Variants in HACD3 observed in about 807,000 individuals in gnomAD.
The protein encoded by HACD3 is very-long-chain (3R)-3-hydroxyacyl-CoA dehydratase 3.
In HACD3, 30 loss-of-function variants were observed where a neutral mutation model predicts 55.2. That is an observed-to-expected ratio of 0.54 (90% confidence interval 0.41 to 0.74). The LOEUF (loss-of-function observed/expected upper bound fraction) is 0.74. Among genes scored for constraint, HACD3 ranks in the 30% least tolerant of loss-of-function variants. The pLI is 0.00. For missense variants in HACD3, 363 were observed against 440.1 expected (o/e 0.82, Z 1.57); for synonymous variants, 141 against 151.7 (o/e 0.93, Z 0.52).
rs376745282 is a variant in HACD3, at chr15:65,571,544, A to C, written c.774-4A>C. ...TTCACATTGGAATCATTTATTTTCA[A>C]TAGGTACTCTTTCTACATGCTGACG... On this transcript the variant is annotated splice_polypyrimidine_tract_variant and splice_region_variant and intron_variant, in intron 8 of 10. Transcript: ENST00000261875. 3.7e-6 allele frequency: 6 copies of C among 1,608,602 alleles called. No homozygotes were observed. The highest frequency in any genetic ancestry group is 5.1e-6 in the Non-Finnish European group (6 of 1,175,286).
chr15:65,533,215 A>G lies in HACD3; in HGVS notation c.87+2497A>G, dbSNP rs150825696. On this transcript the variant is annotated intron_variant, in intron 1 of 10. Coordinates refer to ENST00000261875, the MANE Select transcript of HACD3 (RefSeq NM_016395.4). ...TCATTGCATTGAGAGAGCATACTCC[A>G]TGGGGAACCCTGGGGTGTTTCATTA... Among the ~76,000 whole-genome samples, 926 of 152,312 alleles carry G rather than the reference A, an allele frequency of 6.1e-3. 7 individuals carry two copies. Among genetic ancestry groups the G allele is most frequent in the African/African-American group, 0.021 (883 of 41,574 alleles).
At chr15:65,554,797 C>G in intron 2 of HACD3, 90 bp from the exon 3 acceptor site, 1 of 870,590 alleles carries the variant, frequency 1.1e-6, no homozygotes, top group Non-Finnish European at 1.9e-6. Context: ...GTGTAATATT[C>G]GCATACTTGG....
At chr15:65,532,957 G>A (rs554218973) in intron 1 of HACD3, among the ~76,000 whole-genome samples, 1 of 152,136 alleles carries the variant, frequency 6.6e-6, no homozygotes, top group Non-Finnish European at 1.5e-5. Context: ...GGTAGAATTG[G>A]AGTTGGATGT....
intron 10 of HACD3, 141 bp downstream of exon 10, chr15:65,572,507 C>T (rs891295583): frequency 4.0e-6 from 4 of 1,000,484 alleles, no homozygotes; most frequent in Non-Finnish European, 5.7e-6. Flanking sequence ...AACAGACCCA[C>T]TAGGGGAATA....
chr15:65,546,680 A>T (rs2141210132), intron 1 of HACD3, among the ~76,000 whole-genome samples: 1 of 152,294 alleles, frequency 6.6e-6, no homozygotes, highest in Middle Eastern at 3.4e-3. Context: ...GCATCAAGTG[A>T]TCTGCCTGCT....
intron 1 of HACD3, among the ~76,000 whole-genome samples, chr15:65,532,528 A>G (rs2141200115): frequency 6.6e-6 from 1 of 151,516 alleles, no homozygotes; most frequent in East Asian, 1.9e-4. Flanking sequence ...GCTACTCGGG[A>G]GGCTGAGGCA....
chr15:65,560,633 C>T (rs1468698109), intron 5 of HACD3, among the ~76,000 whole-genome samples: 2 of 152,076 alleles, frequency 1.3e-5, no homozygotes, highest in East Asian at 1.9e-4. Context: ...TGTGTTTCTA[C>T]AAAACATAAT....
At chr15:65,575,724 A>G (rs1016705534) in intron 10 of HACD3, among the ~76,000 whole-genome samples, 4 of 152,214 alleles carry the variant, frequency 2.6e-5, no homozygotes, top group Admixed American at 2.6e-4. Context: ...AAAAAGCAGT[A>G]AATCTAGATG....
At position 65,557,516 on chromosome 15, in the gene HACD3, GT is replaced by G. The variant is rs749708405; in HGVS notation, c.369+615del. Among the ~76,000 whole-genome samples the G allele has an allele frequency of 8.8e-4, 134 of 151,610 alleles. 1 individual carries two copies. Among genetic ancestry groups the G allele is most frequent in the Non-Finnish European group, 1.5e-3 (103 of 67,910 alleles). ...CATACTGTCAACGTGACACATCACTGTTGATATTAACCATGGGTTAGCTGGC... is the reference window on the plus strand; with the variant it reads ...CATACTGTCAACGTGACACATCACTGTGATATTAACCATGGGTTAGCTGGC... On this transcript the variant is annotated intron_variant, in intron 4 of 10. Coordinates refer to ENST00000261875, the MANE Select transcript of HACD3 (RefSeq NM_016395.4).
At position 65,572,902 on chromosome 15, in the gene HACD3, G is replaced by A. The variant is rs1364831451; in HGVS notation, c.1012+536G>A. The stretch of plus-strand genomic sequence containing the variant: ...TGCACTCCACCCTGGGCGACAGAGC[G>A]GGACTTTGTCTCAAAAAAAAAAAAA... On this transcript the variant is annotated intron_variant, in intron 10 of 10. Coordinates refer to ENST00000261875, the MANE Select transcript of HACD3 (RefSeq NM_016395.4). Among the ~76,000 whole-genome samples the A allele has an allele frequency of 4.0e-4, 58 of 144,398 alleles. 1 individual carries two copies. Among genetic ancestry groups the A allele is most frequent in the Admixed American group, 3.7e-3 (54 of 14,458 alleles). 94.7% of individuals were successfully genotyped at this position (144,398 alleles called of 152,430 possible).
chr15:65,575,262 A>C (rs1354722641), intron 10 of HACD3, among the ~76,000 whole-genome samples: 1 of 147,430 alleles, frequency 6.8e-6, no homozygotes, highest in Non-Finnish European at 1.5e-5. Context: ...ATCTTGGCTC[A>C]CTGCAACCTC....
intron 1 of HACD3, chr15:65,551,013 G>A (rs1476430504): frequency 6.6e-6 from 1 of 152,182 alleles, no homozygotes; most frequent in Non-Finnish European, 1.5e-5. Context: ...GTTTCCTTTG[G>A]GGGTTAAGAG....
intron 1 of HACD3, among the ~76,000 whole-genome samples, chr15:65,547,261 CG>C (rs1166188938): frequency 2.0e-5 from 3 of 152,084 alleles, no homozygotes; most frequent in African/African-American, 7.2e-5. Flanking sequence ...GGATTACAGG[CG>C]CACGCCATCA....
At chr15:65,542,655 G>A (rs1399199072) in intron 1 of HACD3, among the ~76,000 whole-genome samples, 3 of 152,160 alleles carry the variant, frequency 2.0e-5, no homozygotes, top group South Asian at 2.1e-4. Context: ...AATGGTTACC[G>A]GTATGTGGGG....
intron 2 of HACD3, chr15:65,552,026 T>C (rs919109583): frequency 1.7e-5 from 5 of 290,476 alleles, no homozygotes; most frequent in Middle Eastern, 1.1e-3. Flanking sequence ...GGACAAGTTA[T>C]TGACTTCTCT....
chr15:65,558,054 C>T (rs1402295645), intron 4 of HACD3, among the ~76,000 whole-genome samples: 1 of 151,362 alleles, frequency 6.6e-6, no homozygotes, highest in Non-Finnish European at 1.5e-5. Context: ...CTTCAAGCAT[C>T]TCTGTTCTTA....
intron 2 of HACD3, chr15:65,552,961 C>G (rs891884676): frequency 1.3e-5 from 2 of 150,780 alleles, no homozygotes; most frequent in East Asian, 3.9e-4. Context: ...TTTGTTCTTG[C>G]GATAGTTTAC....
intron 5 of HACD3, among the ~76,000 whole-genome samples, chr15:65,561,724 C>G (rs1349779262): frequency 2.0e-5 from 3 of 152,160 alleles, no homozygotes; most frequent in Non-Finnish European, 2.9e-5. Context: ...TGGGTGCCCT[C>G]TGGTTCAATT....
intron 7 of HACD3, chr15:65,566,277 A>C (rs1024531367): frequency 1.8e-5 from 3 of 164,124 alleles, no homozygotes; most frequent in African/African-American, 7.2e-5. Flanking sequence ...TCACTTCCAC[A>C]TTTTCGGGTA....
Sources: gnomAD v4.1 joint callset for allele counts (sites outside exome capture counted in the v4.1 genomes callset) on GRCh38, gnomAD v4.1.1 for gene constraint, MANE v1.5 for transcripts, NCBI Gene and HGNC (gene_info 2026-07-23, HGNC 2026-07-21) for gene names.